Variants in PAK4 observed in about 807,000 individuals in gnomAD.
PAK4 encodes p21 (RAC1) activated kinase 4.
A neutral mutation model predicts 53.5 loss-of-function variants in PAK4; 49 were observed. That is an observed-to-expected ratio of 0.92 (90% CI 0.73 to 1.16). The LOEUF is 1.16. PAK4 is among the 50% of genes most tolerant of loss of function. The pLI, the probability that PAK4 is intolerant of heterozygous loss-of-function variation, is 0.00. For missense variants in PAK4, 824 were observed against 850.7 expected (o/e 0.97, Z 0.39); for synonymous variants, 376 against 375.6 (o/e 1.00, Z -0.01).
At chr19:39,133,939 G>C (rs374653569) in intron 1 of PAK4, among the ~76,000 whole-genome samples, 2 of 152,038 alleles carry the variant, frequency 1.3e-5, no homozygotes, top group East Asian at 1.9e-4. Flanking sequence ...GTCAGCACTG[G>C]CCATGGGGAG....
chr19:39,159,196 A>G (rs972785840), intron 1 of PAK4, among the ~76,000 whole-genome samples: 12 of 152,116 alleles, frequency 7.9e-5, no homozygotes, highest in African/African-American at 2.9e-4. Context: ...GTCGGCTCTT[A>G]ACCACCAGTA....
intron 1 of PAK4, 165 bp downstream of exon 2, chr19:39,168,467 C>CA (rs1263375011): frequency 6.6e-6 from 1 of 152,426 alleles, no homozygotes; most frequent in Admixed American, 6.5e-5. Context: ...CCCAGCCCTG[C>CA]ACCAAGCTCT....
At chr19:39,171,311 C>T (rs966136365) in intron 2 of PAK4, among the ~76,000 whole-genome samples, 1 of 151,644 alleles carries the variant, frequency 6.6e-6, no homozygotes, top group Non-Finnish European at 1.5e-5. Context: ...TGGGTTCAAG[C>T]GATTTTCCTG....
intron 1 of PAK4, among the ~76,000 whole-genome samples, chr19:39,142,533 A>G (rs2145151920): frequency 6.6e-6 from 1 of 152,292 alleles, no homozygotes; most frequent in East Asian, 1.9e-4. Flanking sequence ...GGAGGGACCA[A>G]AGGACTGAGG....
At chr19:39,181,967 A>G (rs1420689978), downstream of PAK4, 1 of 152,216 alleles carries the variant, frequency 6.6e-6, no homozygotes, top group African/African-American at 2.4e-5. Context: ...TGGACACGCA[A>G]ATAAATCCCT....
chr19:39,135,518 A>T (rs748508149), intron 1 of PAK4, among the ~76,000 whole-genome samples: 1 of 151,796 alleles, frequency 6.6e-6, no homozygotes, highest in Non-Finnish European at 1.5e-5. Flanking sequence ...TATTTTTAGT[A>T]GAGACAGGGT....
In PAK4 at chr19:39,173,087, C is replaced by A. The variant is rs1444151090; in HGVS notation, c.374C>A (p.Ala125Asp). Residue 125 changes from alanine (A) to aspartate (D), a missense_variant, in exon 3 of 9, where the codon GCC becomes GAC. This residue lies in a region of PAK4 where 478 missense variants were observed against 435.8 expected (regional missense o/e 1.10). Coordinates refer to ENST00000358301, the Ensembl canonical transcript of PAK4. This position sits in a 1 kb window ranked among gnomAD's most constrained non-coding sequence, Gnocchi z 6.9. ...ATGCCAGAGGAGCCGGCCACCACGGCCAGAGGGGGCCCAGGGAAGGCAGGC... is the reference window on the plus strand; with the variant it reads ...ATGCCAGAGGAGCCGGCCACCACGGACAGAGGGGGCCCAGGGAAGGCAGGC... 9 of 1,548,428 alleles carry A rather than the reference C, an allele frequency of 5.8e-6. No homozygotes were observed. In the Admixed American group the frequency reaches 1.6e-4, roughly 27 times the overall value.
intron 7 of PAK4, 84 bp from the exon 9 acceptor site, chr19:39,177,591 C>T (rs973045456): frequency 3.5e-5 from 51 of 1,451,436 alleles, no homozygotes; most frequent in Non-Finnish European, 4.4e-5. Context: ...GCAGAGACAG[C>T]GCTGGAGCGG....
intron 4 of PAK4, among the ~76,000 whole-genome samples, chr19:39,174,374 T>C (rs965328113): frequency 3.3e-5 from 5 of 151,680 alleles, no homozygotes; most frequent in Admixed American, 3.3e-4. Context: ...CCTCCACTCC[T>C]GGGTGTCCCT....
chr19:39,167,244 C>T (rs747232036), intron 1 of PAK4, among the ~76,000 whole-genome samples: 2 of 152,182 alleles, frequency 1.3e-5, no homozygotes, highest in Non-Finnish European at 2.9e-5. Flanking sequence ...TGGGGCGGGG[C>T]GACAGGTTCA....
At chr19:39,168,656 T>A (rs536391828) in intron 1 of PAK4, 1 of 152,358 alleles carries the variant, frequency 6.6e-6, no homozygotes, top group South Asian at 2.1e-4. Flanking sequence ...TCAGAATGTC[T>A]CTTCCTCAGC....
Position 39,171,048 on chromosome 19 carries a change from A to G in PAK4, c.204+1291A>G, listed in dbSNP as rs558895069. On this transcript the variant is annotated intron_variant, in intron 2 of 8. Transcript: ENST00000358301. Reference sequence around the variant, plus strand: ...AAACCCAGCCCCTGCCTGGCTTGCCAGATGTGAGGCCTGCCTGTGACTGTC... The same window carrying G: ...AAACCCAGCCCCTGCCTGGCTTGCCGGATGTGAGGCCTGCCTGTGACTGTC... Among the ~76,000 whole-genome samples, 76 of 152,346 alleles carry G rather than the reference A, an allele frequency of 5.0e-4. No individual in the cohort carries two copies. The South Asian group carries it at 7.2e-3, about 15-fold the overall frequency.
intron 1 of PAK4, among the ~76,000 whole-genome samples, chr19:39,126,265 A>G (rs2073575897): frequency 6.6e-6 from 1 of 152,018 alleles, no homozygotes; most frequent in Non-Finnish European, 1.5e-5. Flanking sequence ...CAGGGGCGCC[A>G]GGTTGGAGGT....
rs2074588680 is a variant in PAK4 at position 39,175,573 on chromosome 19, C to T, written c.1359+135C>T. On this transcript the variant is annotated intron_variant, in intron 6 of 8. Transcript: ENST00000358301. The surrounding 1 kb of genome is among the most constrained non-coding windows in gnomAD (Gnocchi z 4.7). ...GTCTTGAGGAGCTGGGAACTTCGTC[C>T]CTCCCTGGTGGAGCAGCCCAGAGTC... The T allele has an allele frequency of 2.1e-6, 2 of 975,224 alleles. No individual in the cohort carries two copies. Among genetic ancestry groups the T allele is most frequent in the Admixed American group, 2.5e-5 (1 of 39,962 alleles). 60.4% of individuals were successfully genotyped at this position (975,224 alleles called of 1,614,324 possible).
At chr19:39,129,928 C>G (rs1307642810) in intron 1 of PAK4, among the ~76,000 whole-genome samples, 2 of 152,090 alleles carry the variant, frequency 1.3e-5, no homozygotes, top group Non-Finnish European at 2.9e-5. Context: ...AACATTCTTT[C>G]TGTGTATCTG....
At chr19:39,174,882 A>G (rs757729633) in intron 4 of PAK4, 49 bp from the exon 6 acceptor site, 4 of 1,609,552 alleles carry the variant, frequency 2.5e-6, no homozygotes, top group Non-Finnish European at 3.4e-6. Context: ...TGGGTCTGGC[A>G]CTGGCAGCCC....
chr19:39,127,058 G>C (rs2073598322), intron 1 of PAK4, among the ~76,000 whole-genome samples: 2 of 152,108 alleles, frequency 1.3e-5, no homozygotes, highest in African/African-American at 4.8e-5. Flanking sequence ...TCCTTGGAAG[G>C]GTGTGATCTG....
chr19:39,153,693 T>C (rs1209452563), intron 1 of PAK4, among the ~76,000 whole-genome samples: 1 of 152,194 alleles, frequency 6.6e-6, no homozygotes, highest in Non-Finnish European at 1.5e-5. Context: ...CCACTCGCCT[T>C]GGCCTCTCAA....
Position 39,178,533 on chromosome 19 carries a change from C to T in PAK4, c.1730C>T (p.Pro577Leu), listed in dbSNP as rs762977178. The change falls in exon 9 of 9, where the codon CCG (proline) becomes CTG (leucine). Residue 577 changes from proline to leucine, a missense_variant. Physicochemically the swap from Pro to Leu is moderately conservative, Grantham distance 98. Transcript: ENST00000358301. This position sits in a 1 kb window ranked among gnomAD's most constrained non-coding sequence, Gnocchi z 4.4. ...CACCCATTCCTGGCCAAGGCAGGGC[C>T]GCCTGCCAGCATCGTGCCCCTCATG... 8.1e-6 allele frequency: 13 copies of T among 1,610,746 alleles called. No homozygotes were observed. Among genetic ancestry groups the T allele is most frequent in the South Asian group, 3.3e-5 (3 of 90,954 alleles).
Sources: gnomAD v4.1 joint callset for allele counts (sites outside exome capture counted in the v4.1 genomes callset) on GRCh38, gnomAD v4.1.1 for gene constraint, gnomAD v4.1.1 regional missense constraint, Gnocchi (gnomAD v3.1) non-coding constraint, MANE v1.5 for transcripts, NCBI Gene and HGNC (gene_info 2026-07-23, HGNC 2026-07-21) for gene names.